The following KCNIP4 variants were observed in gnomAD, a reference collection of about 807,000 sequenced individuals.
The protein encoded by KCNIP4 is Kv channel-interacting protein 4.
Under a neutral mutation model 34.0 loss-of-function variants are expected in KCNIP4, and 12 were observed. The observed-to-expected ratio is 0.35, with a 90% CI of 0.23 to 0.57. KCNIP4 has a LOEUF of 0.57. KCNIP4 is among the 20% of genes least tolerant of loss of function. The probability of loss-of-function intolerance (pLI) is 0.83; values close to 1 mark genes in which losing one functional copy is unlikely to be tolerated. For missense variants in KCNIP4, 238 were observed against 311.7 expected (o/e 0.76, Z 1.78); for synonymous variants, 124 against 102.2 (o/e 1.21, Z -1.29).
intron 1 of KCNIP4, among the ~76,000 whole-genome samples, chr4:21,286,781 G>A (rs143679826): frequency 1.2e-3 from 183 of 152,194 alleles, no homozygotes; most frequent in Admixed American, 2.6e-3. Flanking sequence ...AAAATAAAAC[G>A]AAAAGAAAAG....
At chr4:21,727,238 C>T (rs970818808) in intron 1 of KCNIP4, among the ~76,000 whole-genome samples, 2 of 152,144 alleles carry the variant, frequency 1.3e-5, no homozygotes. Context: ...CCTTATACAA[C>T]GTTTGAAGGA....
intron 1 of KCNIP4, among the ~76,000 whole-genome samples, chr4:21,600,346 A>G (rs1470791050): frequency 6.6e-6 from 1 of 152,134 alleles, no homozygotes; most frequent in East Asian, 1.9e-4. Context: ...AAATCTGTAT[A>G]GAACTAAAGT....
chr4:20,766,272 T>C (rs1251239349), intron 3 of KCNIP4, among the ~76,000 whole-genome samples: 8 of 152,180 alleles, frequency 5.3e-5, no homozygotes, highest in African/African-American at 1.9e-4. Context: ...CTTGAGAGTT[T>C]AAAGCAACTT....
chr4:20,852,923 C>T (rs576909163), intron 2 of KCNIP4, among the ~76,000 whole-genome samples: 14 of 152,004 alleles, frequency 9.2e-5, no homozygotes, highest in Non-Finnish European at 1.6e-4. Context: ...ACAAAGGAGT[C>T]AAAAGACCTC....
intron 1 of KCNIP4, among the ~76,000 whole-genome samples, chr4:21,538,196 G>C (rs2108992602): frequency 1.3e-5 from 2 of 152,100 alleles, no homozygotes; most frequent in South Asian, 4.1e-4. Context: ...GACTTCTACA[G>C]CATGTTTAGA....
intron 1 of KCNIP4, among the ~76,000 whole-genome samples, chr4:21,464,954 C>T (rs1324848312): frequency 1.3e-5 from 2 of 152,058 alleles, no homozygotes; most frequent in African/African-American, 4.8e-5. Flanking sequence ...TCCTCTGATT[C>T]AATAGATCAC....
chr4:20,732,532 AG>A, intron 7 of KCNIP4, 148 bp downstream of exon 7: 1 of 655,820 alleles, frequency 1.5e-6, no homozygotes, highest in South Asian at 1.7e-5. Flanking sequence ...TCAAAACCAA[AG>A]CTATTAAATT....
At chr4:21,111,998 AAAC>A (rs1477276325) in intron 1 of KCNIP4, among the ~76,000 whole-genome samples, 16 of 118,216 alleles carry the variant, frequency 1.4e-4, no homozygotes, top group African/African-American at 5.6e-4. Context: ...ACATCAAAAC[AAAC>A]AACAACAAAT....
intron 1 of KCNIP4, among the ~76,000 whole-genome samples, chr4:21,173,427 G>A (rs114022591): frequency 0.022 from 3,411 of 152,186 alleles, 144 homozygotes; most frequent in African/African-American, 0.078. Context: ...AAATAACAAA[G>A]CGATGAGAGG....
chr4:21,505,949 A>G (rs1301081709), intron 1 of KCNIP4, among the ~76,000 whole-genome samples: 1 of 152,094 alleles, frequency 6.6e-6, no homozygotes. Flanking sequence ...CTAAAAATAC[A>G]AAAATTAGCA....
intron 1 of KCNIP4, among the ~76,000 whole-genome samples, chr4:20,998,839 A>C (rs1315943774): frequency 1.3e-5 from 2 of 152,226 alleles, no homozygotes; most frequent in East Asian, 3.9e-4. Context: ...ACTTAATTGT[A>C]AAGTTCTTAT....
At chr4:21,640,877 T>C (rs1259977589) in intron 1 of KCNIP4, among the ~76,000 whole-genome samples, 1 of 152,164 alleles carries the variant, frequency 6.6e-6, no homozygotes, top group Non-Finnish European at 1.5e-5. Context: ...ATAGGGATTC[T>C]ACTTAAAATC....
chr4:20,865,319 T>A (rs1722762470), intron 2 of KCNIP4, among the ~76,000 whole-genome samples: 1 of 151,956 alleles, frequency 6.6e-6, no homozygotes, highest in Non-Finnish European at 1.5e-5. Context: ...TAACTTATTC[T>A]TTAAGAATAA....
At chr4:21,324,956 T>C (rs1185573733) in intron 1 of KCNIP4, among the ~76,000 whole-genome samples, 1 of 152,006 alleles carries the variant, frequency 6.6e-6, no homozygotes, top group Non-Finnish European at 1.5e-5. Context: ...ATGGTTTTCA[T>C]TGTAGAGATC....
At chr4:20,913,598 T>C (rs1728539480) in intron 1 of KCNIP4, among the ~76,000 whole-genome samples, 3 of 152,210 alleles carry the variant, frequency 2.0e-5, no homozygotes, top group Non-Finnish European at 4.4e-5. Flanking sequence ...TAGGCAAAAC[T>C]TCCTTACTTC....
chr4:21,360,946 A>C (rs1161167306), intron 1 of KCNIP4, among the ~76,000 whole-genome samples: 1 of 152,142 alleles, frequency 6.6e-6, no homozygotes, highest in Non-Finnish European at 1.5e-5. Context: ...GCTTTAAATC[A>C]GCATCCGCTG....
At chr4:21,824,357 A>G (rs934849444) in intron 1 of KCNIP4, among the ~76,000 whole-genome samples, 36 of 152,186 alleles carry the variant, frequency 2.4e-4, no homozygotes, top group African/African-American at 8.4e-4. Context: ...ATGCAGCCAG[A>G]GGCCGCAAGA....
intron 3 of KCNIP4, among the ~76,000 whole-genome samples, chr4:20,780,347 A>T (rs1756766205): frequency 6.6e-6 from 1 of 152,238 alleles, no homozygotes; most frequent in Non-Finnish European, 1.5e-5. Flanking sequence ...AATGGCATTT[A>T]AAGAGTCAAA....
intron 1 of KCNIP4, among the ~76,000 whole-genome samples, chr4:21,910,646 C>T (rs967381717): frequency 3.3e-5 from 5 of 152,140 alleles, no homozygotes; most frequent in Admixed American, 2.6e-4. Context: ...AAAATCAAAG[C>T]CATAAGGCAC....
Sources: allele counts gnomAD v4.1 joint callset (sites outside exome capture counted in the v4.1 genomes callset), GRCh38; gene constraint gnomAD v4.1.1; transcripts MANE v1.5; gene names NCBI Gene and HGNC (gene_info 2026-07-23, HGNC 2026-07-21).